The following GRIA1 variants were observed in gnomAD, a reference collection of about 807,000 sequenced individuals.
GRIA1 encodes the protein glutamate ionotropic receptor AMPA type subunit 1.
GRIA1 carries 31 observed loss-of-function variants against 99.2 expected under a neutral mutation model. The observed-to-expected ratio is 0.31, with a 90% CI of 0.23 to 0.42. The LOEUF (loss-of-function observed/expected upper bound fraction) is 0.42, where lower values mean the gene tolerates loss of function less well. GRIA1 is among the 10% of genes least tolerant of loss of function. The pLI is 1.00. For missense variants in GRIA1, 782 were observed against 1,157.5 expected (o/e 0.68, Z 4.71); for synonymous variants, 438 against 432.4 (o/e 1.01, Z -0.16).
At chr5:153,512,878 C>T (rs1037408134) in intron 2 of GRIA1, among the ~76,000 whole-genome samples, 8 of 152,238 alleles carry the variant, frequency 5.3e-5, no homozygotes, top group Admixed American at 3.3e-4. Context: ...GTTTAGCTGT[C>T]GTCATGAGGA....
Position 153,523,882 on chromosome 5 carries a change from T to C in GRIA1, c.220+29817T>C, listed in dbSNP as rs576022971. Among the ~76,000 whole-genome samples the C allele has an allele frequency of 7.9e-5, 12 of 152,314 alleles. No individual in the cohort carries two copies. In the South Asian group the frequency reaches 1.7e-3, roughly 21 times the overall value. On this transcript the variant is annotated intron_variant, in intron 2 of 15. Transcript: ENST00000285900. ...CCAGCCACTCTTACTGCATGCTAGTTTTCTCCAAAAGCTGTAAGTTCCTTG... is the reference window on the plus strand; with the variant it reads ...CCAGCCACTCTTACTGCATGCTAGTCTTCTCCAAAAGCTGTAAGTTCCTTG...
At chr5:153,545,921 AT>A (rs566366297) in intron 2 of GRIA1, among the ~76,000 whole-genome samples, 30 of 152,336 alleles carry the variant, frequency 2.0e-4, no homozygotes, top group Middle Eastern at 3.4e-3. Context: ...GGCCCTGCCT[AT>A]TAGCAAATAT....
At chr5:153,783,040 G>A (rs553410382) in intron 13 of GRIA1, among the ~76,000 whole-genome samples, 2 of 152,304 alleles carry the variant, frequency 1.3e-5, no homozygotes, top group East Asian at 1.9e-4. Flanking sequence ...TGGGAGACCT[G>A]CAGGAGCAGA....
At chr5:153,676,376 TC>T (rs1756585985) in intron 6 of GRIA1, among the ~76,000 whole-genome samples, 1 of 152,128 alleles carries the variant, frequency 6.6e-6, no homozygotes, top group Admixed American at 6.5e-5. Context: ...CACATCCTAG[TC>T]CCCTTTTTGT....
chr5:153,504,182 T>G (rs915573203), intron 2 of GRIA1, among the ~76,000 whole-genome samples: 41 of 151,846 alleles, frequency 2.7e-4, no homozygotes, highest in African/African-American at 9.9e-4. Context: ...CTTGGGGTAG[T>G]GAGAAGAACC....
intron 8 of GRIA1, 58 bp downstream of exon 8, chr5:153,686,387 C>A: frequency 3.8e-6 from 5 of 1,313,594 alleles, no homozygotes; most frequent in Non-Finnish European, 5.5e-6. Flanking sequence ...GGGACTCTGG[C>A]CAGAGCTGAG....
chr5:153,556,751 ACT>A (rs1442197430), intron 2 of GRIA1, among the ~76,000 whole-genome samples: 1 of 152,100 alleles, frequency 6.6e-6, no homozygotes, highest in Non-Finnish European at 1.5e-5. Flanking sequence ...TGGTCTATGT[ACT>A]CTCTGTAACC....
At chr5:153,624,349 G>C (rs1349896735) in intron 2 of GRIA1, among the ~76,000 whole-genome samples, 1 of 152,164 alleles carries the variant, frequency 6.6e-6, no homozygotes. Flanking sequence ...ACCTTGGGTT[G>C]AGGGTGACTT....
intron 2 of GRIA1, among the ~76,000 whole-genome samples, chr5:153,559,581 T>C (rs531841036): frequency 6.6e-6 from 1 of 152,320 alleles, no homozygotes; most frequent in East Asian, 1.9e-4. Flanking sequence ...TATCATGCAC[T>C]GTACATGACT....
At chr5:153,626,430 C>CTGTGTGTGTG (rs1354402633) in intron 2 of GRIA1, among the ~76,000 whole-genome samples, 8 of 132,788 alleles carry the variant, frequency 6.0e-5, no homozygotes, top group Non-Finnish European at 1.2e-4. Flanking sequence ...AATCTAGTCT[C>CTGTGTGTGTG]TGTGTGTGTG....
At chr5:153,696,568 A>T (rs1017194345) in intron 8 of GRIA1, among the ~76,000 whole-genome samples, 4 of 152,246 alleles carry the variant, frequency 2.6e-5, no homozygotes, top group African/African-American at 9.6e-5. Flanking sequence ...TGGCTGCGAG[A>T]TTACAGGAAA....
At chr5:153,686,535 G>T (rs1757352362) in intron 8 of GRIA1, among the ~76,000 whole-genome samples, 1 of 152,164 alleles carries the variant, frequency 6.6e-6, no homozygotes, top group African/African-American at 2.4e-5. Context: ...TCATTCATTT[G>T]CAAAATTAAG....
At chr5:153,581,280 C>G (rs1561660893) in intron 2 of GRIA1, among the ~76,000 whole-genome samples, 1 of 152,306 alleles carries the variant, frequency 6.6e-6, no homozygotes, top group East Asian at 1.9e-4. Context: ...AATCAGATCA[C>G]CTCAGCCTAC....
At chr5:153,669,598 AT>A (rs1433013677) in intron 5 of GRIA1, among the ~76,000 whole-genome samples, 1 of 152,208 alleles carries the variant, frequency 6.6e-6, no homozygotes, top group Non-Finnish European at 1.5e-5. Flanking sequence ...CTGAGGATCG[AT>A]TTTTATTTTT....
chr5:153,775,943 G>T (rs1287385141), intron 13 of GRIA1, among the ~76,000 whole-genome samples: 1 of 152,066 alleles, frequency 6.6e-6, no homozygotes, highest in African/African-American at 2.4e-5. Context: ...GAACAACAAG[G>T]GGTCCACTTT....
At chr5:153,617,162 A>T (rs868697447) in intron 2 of GRIA1, among the ~76,000 whole-genome samples, 61 of 152,134 alleles carry the variant, frequency 4.0e-4, no homozygotes, top group Admixed American at 3.9e-4. Context: ...AAGACTGTAG[A>T]TATTCAGGGA....
intron 2 of GRIA1, among the ~76,000 whole-genome samples, chr5:153,632,718 T>C (rs895933316): frequency 2.6e-5 from 4 of 152,206 alleles, no homozygotes; most frequent in African/African-American, 9.7e-5. Context: ...ATTGAACATC[T>C]ACTATGTCAG....
At chr5:153,516,982 T>TC (rs1480559903) in intron 2 of GRIA1, among the ~76,000 whole-genome samples, 1 of 152,082 alleles carries the variant, frequency 6.6e-6, no homozygotes, top group Non-Finnish European at 1.5e-5. Flanking sequence ...AATGGTTGGA[T>TC]CTTAAGATGA....
intron 2 of GRIA1, among the ~76,000 whole-genome samples, chr5:153,572,069 G>T (rs1762159472): frequency 6.6e-6 from 1 of 152,198 alleles, no homozygotes; most frequent in Non-Finnish European, 1.5e-5. Flanking sequence ...TCTAGTGGTT[G>T]TCTAATATAT....
Sources: allele counts gnomAD v4.1 joint callset (sites outside exome capture counted in the v4.1 genomes callset), GRCh38; gene constraint gnomAD v4.1.1; transcripts MANE v1.5; gene names NCBI Gene and HGNC (gene_info 2026-07-23, HGNC 2026-07-21).